The following INO80D variants were observed in gnomAD, a reference collection of about 807,000 sequenced individuals.
INO80D encodes INO80 complex subunit D.
A neutral mutation model predicts 87.6 loss-of-function variants in INO80D; 21 were observed. The ratio of observed to expected loss-of-function variants is 0.24; its 90% CI spans 0.17 to 0.35. The LOEUF is 0.35. Among genes scored for constraint, INO80D ranks in the 10% least tolerant of loss-of-function variants. INO80D has a pLI of 1.00. For synonymous variants in INO80D, 440 were observed against 491.0 expected (o/e 0.90, Z 1.37); for missense variants, 982 against 1,280.7 (o/e 0.77, Z 3.56).
At chr2:206,044,546 G>A (rs569377707) in intron 5 of INO80D, among the ~76,000 whole-genome samples, 9 of 149,078 alleles carry the variant, frequency 6.0e-5, no homozygotes, top group South Asian at 4.3e-4. Flanking sequence ...GCAGAGTATC[G>A]TAGTAATCAA....
At chr2:206,022,971 G>C (rs1688505640) in intron 6 of INO80D, among the ~76,000 whole-genome samples, 1 of 152,176 alleles carries the variant, frequency 6.6e-6, no homozygotes, top group African/African-American at 2.4e-5. Flanking sequence ...GGCCAAGGCA[G>C]GCAGAGTACC....
chr2:206,073,029 A>T (rs1690016861), intron 1 of INO80D, among the ~76,000 whole-genome samples: 1 of 151,996 alleles, frequency 6.6e-6, no homozygotes, highest in Non-Finnish European at 1.5e-5. Context: ...GTAGAGATGG[A>T]GTCTCACTAC....
rs1049606470 is a variant in INO80D at position 206,004,030 on chromosome 2, T to A, written c.*338A>T. ...ACAGAATGGAAAGCACTGATCTGAA[T>A]ACTAGGAAATAGTAAAGGGCACTGG... On this transcript the variant is annotated 3_prime_UTR_variant, in exon 11 of 11. Transcript: ENST00000403263. This position sits in a 1 kb window ranked among gnomAD's most constrained non-coding sequence, Gnocchi z 4.9. The A allele has an allele frequency of 2.2e-5, 7 of 323,240 alleles. No homozygotes were observed. Among genetic ancestry groups the A allele is most frequent in the Non-Finnish European group, 4.1e-5 (7 of 170,696 alleles). The allele number at this position is 323,240 out of a possible 1,614,324, so 20.0% of individuals were successfully genotyped here.
chr2:206,047,904 G>A (rs918056871), intron 4 of INO80D, among the ~76,000 whole-genome samples: 7 of 150,036 alleles, frequency 4.7e-5, no homozygotes, highest in African/African-American at 1.5e-4. Context: ...AGGCTGGAGT[G>A]CAGTGGCGTG....
intron 8 of INO80D, 119 bp from the exon 9 acceptor site, chr2:206,009,913 C>A: frequency 1.4e-6 from 1 of 712,814 alleles, no homozygotes; most frequent in African/African-American, 1.8e-5. Flanking sequence ...ACTGGATGCC[C>A]AAAACTATGT....
intron 8 of INO80D, among the ~76,000 whole-genome samples, chr2:206,016,394 G>T (rs1688320608): frequency 6.6e-6 from 1 of 152,162 alleles, no homozygotes; most frequent in South Asian, 2.1e-4. Context: ...TACCCCCATT[G>T]TATCTAGGAA....
intron 6 of INO80D, among the ~76,000 whole-genome samples, chr2:206,022,883 T>C (rs986276634): frequency 6.6e-6 from 1 of 152,068 alleles, no homozygotes; most frequent in African/African-American, 2.4e-5. Flanking sequence ...CCAGCCACCA[T>C]GCCTGGCCAA....
At position 206,056,856 on chromosome 2, in the gene INO80D, G is replaced by C; in HGVS notation, c.306C>G (p.Val102=). Residue 102 remains valine, a synonymous_variant, in exon 4 of 11, where the codon GTC becomes GTG. Transcript: ENST00000403263. ...AGGCCATGGTATCCATCTGGTGCCT[G>C]ACCTTCACCTCATCTATAGGATCAT... ...KKNDPIDEVK[V]RHQMDTMAFS... 5 of 1,611,562 alleles carry C rather than the reference G, an allele frequency of 3.1e-6. No homozygotes were observed. The highest frequency in any genetic ancestry group is 4.2e-6 in the Non-Finnish European group (5 of 1,178,748).
chr2:206,051,539 C>CGAAT (rs779476795), intron 4 of INO80D, among the ~76,000 whole-genome samples: 60 of 152,154 alleles, frequency 3.9e-4, no homozygotes, highest in Admixed American at 3.1e-3. Flanking sequence ...ATCATATGAA[C>CGAAT]GAATACTCAA....
intron 5 of INO80D, among the ~76,000 whole-genome samples, chr2:206,042,786 A>G (rs1164086698): frequency 6.6e-6 from 1 of 152,050 alleles, no homozygotes; most frequent in Non-Finnish European, 1.5e-5. Context: ...GGAGTTTGAG[A>G]CCAGCATTGG....
chr2:206,054,137 G>A (rs1423092993), intron 4 of INO80D, among the ~76,000 whole-genome samples: 1 of 151,616 alleles, frequency 6.6e-6, no homozygotes, highest in Admixed American at 6.6e-5. Context: ...ACCACACCTG[G>A]CCTCATTCAT....
In INO80D at chr2:206,062,957, A is replaced by G. The variant is rs1479900567; in HGVS notation, c.60T>C (p.Tyr20=). The G allele has an allele frequency of 2.5e-6, 4 of 1,613,410 alleles. No homozygotes were observed. The highest frequency in any genetic ancestry group is 3.4e-6 in the Non-Finnish European group (4 of 1,179,790). The part of the protein sequence containing the change: ...SEVDNKPLCS[Y]SPKLCKQRRL... ...GCCTCTGCTTGCACAGTTTGGGGCTATATGAGCACAAGGGCTTATTGTCAA... is the reference window on the plus strand; with the variant it reads ...GCCTCTGCTTGCACAGTTTGGGGCTGTATGAGCACAAGGGCTTATTGTCAA... Residue 20 remains tyrosine, a synonymous_variant, in exon 3 of 11, where the codon TAT becomes TAC. Coordinates refer to ENST00000403263, the MANE Select transcript of INO80D (RefSeq NM_017759.5). The surrounding 1 kb of genome is among the most constrained non-coding windows in gnomAD (Gnocchi z 4.6).
chr2:206,085,651 G>T lies in INO80D; in HGVS notation c.-124+250C>A, dbSNP rs1690436409. On this transcript the variant is annotated intron_variant, in intron 1 of 10. Coordinates refer to ENST00000403263, the MANE Select transcript of INO80D (RefSeq NM_017759.5). This position sits in a 1 kb window ranked among gnomAD's most constrained non-coding sequence, Gnocchi z 4.5. ...AGGCCGCTCCGCTCGCCCCACTCCGGCTCCGGCTGGACCCCTGCCCGCCCG... is the reference window on the plus strand; with the variant it reads ...AGGCCGCTCCGCTCGCCCCACTCCGTCTCCGGCTGGACCCCTGCCCGCCCG... 1 of 149,296 alleles carries T rather than the reference G, an allele frequency of 6.7e-6. No homozygotes were observed. The highest frequency in any genetic ancestry group is 1.5e-5 in the Non-Finnish European group (1 of 67,136). The allele number at this position is 149,296 out of a possible 1,614,324, so 9.2% of individuals were successfully genotyped here.
chr2:206,025,232 A>C (rs1313307185), intron 6 of INO80D, among the ~76,000 whole-genome samples: 2 of 151,784 alleles, frequency 1.3e-5, no homozygotes, highest in Non-Finnish European at 2.9e-5. Flanking sequence ...TTGTCATATG[A>C]AAATATAATA....
Position 206,025,542 on chromosome 2 carries a change from A to ATATATAT in INO80D, c.1298+2568_1298+2569insATATATA, listed in dbSNP as rs1553616187. The ATATATAT allele has an allele frequency of 4.2e-3, 319 of 76,846 alleles. 1 individual carries two copies. Among genetic ancestry groups the ATATATAT allele is most frequent in the Middle Eastern group, 0.012 (1 of 86 alleles). 4.8% of individuals were successfully genotyped at this position (76,846 alleles called of 1,614,324 possible). On this transcript the variant is annotated intron_variant, in intron 6 of 10. Coordinates refer to ENST00000403263, the MANE Select transcript of INO80D (RefSeq NM_017759.5). The stretch of plus-strand genomic sequence containing the variant: ...AAACTCCATCTCAAAAAAAAAAAAA[A>ATATATAT]ATATATATATATATATATATATATA...
chr2:206,005,152 G>C lies in INO80D; in HGVS notation c.2300C>G (p.Ala767Gly). ...SAPANVGLTS[A>G]TLISQSALGE... Reference sequence around the variant, plus strand: ...AAGTGCACTCTGGCTGATCAGAGTGGCAGAAGTAAGGCCAACGTTGGCTGG... The same window carrying C: ...AAGTGCACTCTGGCTGATCAGAGTGCCAGAAGTAAGGCCAACGTTGGCTGG... The change falls in exon 11 of 11, where the codon GCC becomes GGC. Residue 767 changes from alanine (A) to glycine (G), a missense_variant. Transcript: ENST00000403263. 1.2e-6 allele frequency: 2 copies of C among 1,614,048 alleles called. No homozygotes were observed. The highest frequency in any genetic ancestry group is 1.7e-6 in the Non-Finnish European group (2 of 1,179,896).
At position 206,075,438 on chromosome 2, in the gene INO80D, A is replaced by ATT. The variant is rs34758946; in HGVS notation, c.-124+10461_-124+10462dup. On this transcript the variant is annotated intron_variant, in intron 1 of 10. Coordinates refer to ENST00000403263, the MANE Select transcript of INO80D (RefSeq NM_017759.5). ...GCCTAGATCTACAACATACCTTATA[A>ATT]TTTTTTTTTTTTTTTAAAGACAGAA... Among the ~76,000 whole-genome samples the ATT allele has an allele frequency of 4.0e-3, 575 of 144,528 alleles. 4 individuals carry two copies. Among genetic ancestry groups the ATT allele is most frequent in the African/African-American group, 0.012 (460 of 39,222 alleles). The allele number at this position is 144,528 out of a possible 152,430, so 94.8% of individuals were successfully genotyped here.
intron 1 of INO80D, among the ~76,000 whole-genome samples, chr2:206,067,031 T>A (rs775844388): frequency 1.3e-5 from 2 of 152,076 alleles, no homozygotes; most frequent in Non-Finnish European, 2.9e-5. Flanking sequence ...GTGGAACATT[T>A]GAGCTTAGGA....
chr2:206,060,647 G>A (rs530065829), intron 3 of INO80D, among the ~76,000 whole-genome samples: 6 of 149,896 alleles, frequency 4.0e-5, no homozygotes, highest in South Asian at 4.2e-4. Context: ...TGCAACCTCC[G>A]CCTCCTGGGT....
Sources: allele counts gnomAD v4.1 joint callset (sites outside exome capture counted in the v4.1 genomes callset), GRCh38; gene constraint gnomAD v4.1.1; non-coding constraint Gnocchi (gnomAD v3.1); transcripts MANE v1.5; gene names NCBI Gene and HGNC (gene_info 2026-07-23, HGNC 2026-07-21).